Variants in METTL2B observed in about 807,000 individuals in gnomAD.
METTL2B encodes tRNA N(3)-cytidine methyltransferase METTL2B.
METTL2B carries 28 observed loss-of-function variants against 51.0 expected under a neutral mutation model. That is an observed-to-expected ratio of 0.55 (90% CI 0.41 to 0.75). The LOEUF (loss-of-function observed/expected upper bound fraction) is 0.75. Among genes scored for constraint, METTL2B ranks in the 30% least tolerant of loss-of-function variants. The pLI is 0.00. For synonymous variants in METTL2B, 128 were observed against 166.3 expected (o/e 0.77, Z 1.77); for missense variants, 313 against 460.7 (o/e 0.68, Z 2.93).
At chr7:128,480,538 C>G (rs530879289) in intron 3 of METTL2B, 109 bp from the exon 4 acceptor site, 3 of 1,546,436 alleles carry the variant, frequency 1.9e-6, no homozygotes, top group African/African-American at 2.8e-5. Context: ...TACACCTTCC[C>G]TAATACAGTT....
intron 4 of METTL2B, chr7:128,484,232 T>TTGTTTTGTTTG (rs1584790593): frequency 1.2e-5 from 1 of 83,558 alleles, no homozygotes; most frequent in Admixed American, 1.4e-4. Context: ...TTTTTTTTTT[T>TTGTTTTGTTTG]TTTTTTTTTT....
chr7:128,481,153 G>A (rs542133174), intron 4 of METTL2B, among the ~76,000 whole-genome samples: 1 of 152,334 alleles, frequency 6.6e-6, no homozygotes, highest in Non-Finnish European at 1.5e-5. Context: ...CATACATGAA[G>A]ATGTCTCCTG....
In METTL2B at chr7:128,477,151, G is replaced by A. The variant is rs373058559; in HGVS notation, c.180G>A (p.Gln60=). 2.6e-5 allele frequency: 42 copies of A among 1,613,816 alleles called. No homozygotes were observed. Among genetic ancestry groups the A allele is most frequent in the Non-Finnish European group, 3.5e-5 (41 of 1,179,834 alleles). The change falls in exon 2 of 9, where the codon CAG becomes CAA. Residue 60 remains glutamine, a synonymous_variant. Coordinates refer to ENST00000262432, the MANE Select transcript of METTL2B (RefSeq NM_018396.3). ...AERKVQENSI[Q]RVCQEKQVDY... ...GAAAAGTCCAGGAGAACAGTATCCA[G>A]CGGGTGTGCCAGGAGAAACAAGGTG... is the stretch of plus-strand genomic sequence containing the variant.
chr7:128,484,859 G>A (rs190112655), intron 4 of METTL2B, among the ~76,000 whole-genome samples: 1 of 152,156 alleles, frequency 6.6e-6, no homozygotes, highest in African/African-American at 2.4e-5. Flanking sequence ...GGGATTACAG[G>A]CGTGAGCCAC....
intron 7 of METTL2B, among the ~76,000 whole-genome samples, chr7:128,499,855 G>C (rs1487573872): frequency 6.6e-6 from 1 of 152,072 alleles, no homozygotes; most frequent in African/African-American, 2.4e-5. Context: ...TTATTGTTCA[G>C]TCCAGTCTTT....
At chr7:128,484,628 T>C (rs1293002083) in intron 4 of METTL2B, among the ~76,000 whole-genome samples, 2 of 152,028 alleles carry the variant, frequency 1.3e-5, no homozygotes, top group Non-Finnish European at 2.9e-5. Context: ...CATCTTGCCC[T>C]GTCGCCCGGG....
intron 1 of METTL2B, 92 bp downstream of exon 1, chr7:128,476,967 G>A: frequency 6.3e-7 from 1 of 1,591,248 alleles, no homozygotes; most frequent in Non-Finnish European, 8.6e-7. Context: ...CCGGCCACGA[G>A]TCAAGCTGCC....
chr7:128,482,664 CCCGGGATTACAGGCATGCG>C (rs1799886828), intron 4 of METTL2B, among the ~76,000 whole-genome samples: 1 of 152,130 alleles, frequency 6.6e-6, no homozygotes. Context: ...CTCCCAAATA[CCCGGGATTACAGGCATGCG>C]CCACAATGCC....
chr7:128,483,628 G>A (rs1362371190), intron 4 of METTL2B, among the ~76,000 whole-genome samples: 3 of 152,090 alleles, frequency 2.0e-5, no homozygotes, highest in Admixed American at 6.6e-5. Flanking sequence ...CGCAACCTCC[G>A]CCTCCCAGGT....
At chr7:128,478,738 C>CG (rs61472236) in intron 2 of METTL2B, among the ~76,000 whole-genome samples, 1 of 150,732 alleles carries the variant, frequency 6.6e-6, no homozygotes, top group South Asian at 2.1e-4. Flanking sequence ...TGGTCGTGGG[C>CG]CTGTAGTCCC....
At chr7:128,480,746 TTGGC>T (rs1234609516) in intron 4 of METTL2B, 50 bp downstream of exon 4, 5 of 1,549,728 alleles carry the variant, frequency 3.2e-6, no homozygotes, top group Non-Finnish European at 4.4e-6. Flanking sequence ...AAAGTGAAGG[TTGGC>T]TGGGCGCATT....
intron 6 of METTL2B, among the ~76,000 whole-genome samples, chr7:128,495,758 T>G (rs1180420260): frequency 6.6e-6 from 1 of 152,124 alleles, no homozygotes; most frequent in Non-Finnish European, 1.5e-5. Context: ...TGACCAAAAC[T>G]ATCTTCTCAA....
intron 8 of METTL2B, chr7:128,501,235 C>T: frequency 1.0e-6 from 1 of 985,440 alleles, no homozygotes; most frequent in African/African-American, 1.7e-5. Context: ...AGCCTGCCCA[C>T]TCTGCAAGGC....
rs1792883100 is a variant in METTL2B at position 128,494,082 on chromosome 7, T to C, written c.809+139T>C. ...ATCATGGCTCACTGCAGCCTTAATC[T>C]CTTGAGCTTAAATGATCCTCCCTCC... On this transcript the variant is annotated intron_variant, in intron 6 of 8. Transcript: ENST00000262432. 4 of 1,161,824 alleles carry C rather than the reference T, an allele frequency of 3.4e-6. No homozygotes were observed. In the Admixed American group the frequency reaches 7.4e-5, roughly 21 times the overall value. 72.0% of individuals were successfully genotyped at this position (1,161,824 alleles called of 1,614,324 possible). A position where few individuals can be genotyped will look rare whatever the true frequency, so the allele number is the denominator to read the frequency against.
At chr7:128,491,445 T>G (rs1357701172) in intron 5 of METTL2B, among the ~76,000 whole-genome samples, 1 of 151,850 alleles carries the variant, frequency 6.6e-6, no homozygotes, top group African/African-American at 2.4e-5. Flanking sequence ...AATACAAAAA[T>G]TAGCCAGGTA....
chr7:128,479,968 T>C (rs1042151972), intron 3 of METTL2B, among the ~76,000 whole-genome samples: 2 of 152,202 alleles, frequency 1.3e-5, no homozygotes, highest in African/African-American at 4.8e-5. Context: ...ATTTGGATGG[T>C]GTTGCAGAGT....
intron 5 of METTL2B, among the ~76,000 whole-genome samples, chr7:128,489,080 A>G (rs987906944): frequency 2.0e-5 from 3 of 152,156 alleles, no homozygotes; most frequent in Admixed American, 1.3e-4. Context: ...GCGCCACTGC[A>G]CTCCAGCTAG....
chr7:128,488,173 G>C lies in METTL2B; in HGVS notation c.669+12G>C, dbSNP rs1454212631. On this transcript the variant is annotated intron_variant, in intron 5 of 8. Transcript: ENST00000262432. ...TAGAACTGGTCCAGGTGAGTACGAT[G>C]GGAAATTACCTATTGGTAATTTCCA... 1 of 1,612,808 alleles carries C rather than the reference G, an allele frequency of 6.2e-7. No individual in the cohort carries two copies. The highest frequency in any genetic ancestry group is 8.5e-7 in the Non-Finnish European group (1 of 1,179,582).
At chr7:128,485,492 T>C (rs1792684616) in intron 4 of METTL2B, among the ~76,000 whole-genome samples, 1 of 151,824 alleles carries the variant, frequency 6.6e-6, no homozygotes. Flanking sequence ...TGAAACCCCG[T>C]CTCCACTCAA....
Sources: gnomAD v4.1 joint callset for allele counts (sites outside exome capture counted in the v4.1 genomes callset) on GRCh38, gnomAD v4.1.1 for gene constraint, MANE v1.5 for transcripts, NCBI Gene and HGNC (gene_info 2026-07-23, HGNC 2026-07-21) for gene names.